THSD4: variants seen among roughly 807,000 people sequenced by gnomAD.
THSD4 encodes thrombospondin type-1 domain-containing protein 4.
A neutral mutation model predicts 119.0 loss-of-function variants in THSD4; 69 were observed. The observed-to-expected ratio is 0.58, with a 90% CI of 0.48 to 0.71. The LOEUF (loss-of-function observed/expected upper bound fraction) is 0.71, where lower values mean the gene tolerates loss of function less well. THSD4 is among the 30% of genes least tolerant of loss of function. The pLI, the probability that THSD4 is intolerant of heterozygous loss-of-function variation, is 0.00. For missense variants in THSD4, 1,393 were observed against 1,391.1 expected (o/e 1.00, Z -0.02); for synonymous variants, 524 against 540.4 (o/e 0.97, Z 0.42).
chr15:71,470,837 T>A (rs1022577696), intron 7 of THSD4, among the ~76,000 whole-genome samples: 1 of 151,996 alleles, frequency 6.6e-6, no homozygotes, highest in African/African-American at 2.4e-5. Flanking sequence ...GGGTTTCACC[T>A]TGTTAGCCAG....
chr15:71,333,733 C>T (rs1017681097), intron 6 of THSD4, among the ~76,000 whole-genome samples: 4 of 152,162 alleles, frequency 2.6e-5, no homozygotes. Context: ...AAGGCTATTT[C>T]CCACTCAGTA....
chr15:71,653,025 A>G (rs925847006), intron 7 of THSD4, among the ~76,000 whole-genome samples: 1 of 152,204 alleles, frequency 6.6e-6, no homozygotes, highest in African/African-American at 2.4e-5. Flanking sequence ...TGGCACCAGA[A>G]GGGACCTTAG....
intron 3 of THSD4, among the ~76,000 whole-genome samples, chr15:71,172,682 CATATATATATATAT>C (rs71152331): frequency 0.015 from 373 of 24,204 alleles, 4 homozygotes; most frequent in Middle Eastern, 0.062. Context: ...TAGACCTATA[CATATATATATATAT>C]ATATATATAT....
intron 7 of THSD4, among the ~76,000 whole-genome samples, chr15:71,626,827 A>G (rs942711984): frequency 4.6e-5 from 7 of 152,262 alleles, no homozygotes; most frequent in Admixed American, 6.5e-5. Context: ...GTTCTTATCT[A>G]GCTCTGGAAT....
chr15:71,291,307 T>C (rs1379631087), intron 6 of THSD4, among the ~76,000 whole-genome samples: 1 of 152,132 alleles, frequency 6.6e-6, no homozygotes, highest in African/African-American at 2.4e-5. Flanking sequence ...ACAAAACCAA[T>C]AGTATGCATA....
intron 7 of THSD4, among the ~76,000 whole-genome samples, chr15:71,519,012 G>A (rs150835838): frequency 8.5e-5 from 13 of 152,306 alleles, no homozygotes; most frequent in South Asian, 6.2e-4. Flanking sequence ...TCAGATGTTG[G>A]CAATGCCATA....
At chr15:71,215,971 T>A (rs980551543) in intron 4 of THSD4, among the ~76,000 whole-genome samples, 1 of 152,174 alleles carries the variant, frequency 6.6e-6, no homozygotes, top group African/African-American at 2.4e-5. Context: ...TGTTTCAGAG[T>A]CATAAAATGT....
chr15:71,334,037 G>T (rs1448359597), intron 6 of THSD4, among the ~76,000 whole-genome samples: 1 of 152,134 alleles, frequency 6.6e-6, no homozygotes, highest in Admixed American at 6.5e-5. Flanking sequence ...TGTTGTTTTA[G>T]TTTCGAGTTG....
chr15:71,566,447 C>G (rs2049241631), intron 7 of THSD4, among the ~76,000 whole-genome samples: 1 of 152,164 alleles, frequency 6.6e-6, no homozygotes, highest in Admixed American at 6.5e-5. Context: ...TTAATCTCCA[C>G]CAGAGCCCTC....
chr15:71,216,106 G>C (rs779288513), intron 4 of THSD4, among the ~76,000 whole-genome samples: 18 of 152,366 alleles, frequency 1.2e-4, no homozygotes, highest in Middle Eastern at 6.8e-3. Context: ...GATACTAACA[G>C]ATCACTGCAT....
At chr15:71,133,278 A>T (rs757026199) in intron 1 of THSD4, among the ~76,000 whole-genome samples, 25 of 152,108 alleles carry the variant, frequency 1.6e-4, no homozygotes, top group Non-Finnish European at 3.7e-4. Flanking sequence ...ATGTCATGTT[A>T]ATTTCAGAAA....
At chr15:71,462,469 T>C (rs1181852700) in intron 7 of THSD4, among the ~76,000 whole-genome samples, 1 of 152,252 alleles carries the variant, frequency 6.6e-6, no homozygotes, top group African/African-American at 2.4e-5. Context: ...TAACTCTCAA[T>C]GAATGCAGAC....
chr15:71,713,066 C>G (rs1487567168), intron 8 of THSD4, among the ~76,000 whole-genome samples: 2 of 152,272 alleles, frequency 1.3e-5, no homozygotes, highest in South Asian at 2.1e-4. Context: ...AACGAGGTAG[C>G]CCAGGCTCCT....
Position 71,748,603 on chromosome 15 carries a change from G to C in THSD4, c.2415+9G>C. 1 of 1,613,904 alleles carries C rather than the reference G, an allele frequency of 6.2e-7. No individual in the cohort carries two copies. The highest frequency in any genetic ancestry group is 8.5e-7 in the Non-Finnish European group (1 of 1,179,898). On this transcript the variant is annotated intron_variant, in intron 14 of 17. Transcript: ENST00000261862. Reference sequence around the variant, plus strand: ...CCGAGTGGAGCGAAAGGGTGAGTGTGATGGCGGGCAGAGCGCCGGGGACCG... The same window carrying C: ...CCGAGTGGAGCGAAAGGGTGAGTGTCATGGCGGGCAGAGCGCCGGGGACCG...
chr15:71,150,867 T>G (rs2040715392), intron 2 of THSD4, among the ~76,000 whole-genome samples: 1 of 152,130 alleles, frequency 6.6e-6, no homozygotes, highest in Non-Finnish European at 1.5e-5. Flanking sequence ...ATTTCAGGGG[T>G]CACCAAGATG....
At chr15:71,385,602 A>G (rs1204409758) in intron 6 of THSD4, among the ~76,000 whole-genome samples, 1 of 140,226 alleles carries the variant, frequency 7.1e-6, no homozygotes, top group East Asian at 2.1e-4. Context: ...ATAAATTTGA[A>G]CCTGGTTTGA....
intron 7 of THSD4, among the ~76,000 whole-genome samples, chr15:71,608,152 G>A (rs925926916): frequency 1.3e-5 from 2 of 151,284 alleles, no homozygotes; most frequent in Non-Finnish European, 2.9e-5. Flanking sequence ...GAACCCGGGA[G>A]GCGGTGGTTG....
intron 7 of THSD4, among the ~76,000 whole-genome samples, chr15:71,473,456 G>C (rs1240278658): frequency 2.0e-4 from 30 of 152,166 alleles, no homozygotes; most frequent in Non-Finnish European, 2.9e-5. Context: ...CCCTGAGCAC[G>C]GAATTACTTG....
intron 7 of THSD4, among the ~76,000 whole-genome samples, chr15:71,588,135 T>A (rs2049719393): frequency 6.6e-6 from 1 of 151,626 alleles, no homozygotes; most frequent in Non-Finnish European, 1.5e-5. Context: ...TGAAACCCCG[T>A]CTCTACTAAA....
Sources: allele counts gnomAD v4.1 joint callset (sites outside exome capture counted in the v4.1 genomes callset), GRCh38; gene constraint gnomAD v4.1.1; transcripts MANE v1.5; gene names NCBI Gene and HGNC (gene_info 2026-07-23, HGNC 2026-07-21).